Variants in BEST1 observed in about 807,000 individuals in gnomAD.
The protein encoded by BEST1 is bestrophin 1.
BEST1 carries 58 observed loss-of-function variants against 63.3 expected under a neutral mutation model. That is an observed-to-expected ratio of 0.92 (90% CI 0.74 to 1.14). BEST1 has a LOEUF of 1.14. BEST1 is among the 50% of genes most tolerant of loss of function. BEST1 has a pLI of 0.00. For missense variants in BEST1, 671 were observed against 740.1 expected, an observed-to-expected ratio of 0.91 and a Z score of 1.08; for synonymous variants, 283 against 291.6, an observed-to-expected ratio of 0.97 and a Z score of 0.30.
intron 5 of BEST1, 62 bp from the exon 6 acceptor site, chr11:61,957,319 AGGTGGG>A: frequency 7.1e-7 from 1 of 1,411,084 alleles, no homozygotes; most frequent in South Asian, 1.1e-5. Flanking sequence ...CCTGGAGAAG[AGGTGGG>A]GGCGAGCCCA....
chr11:61,954,974 G>C (rs762309775), intron 2 of BEST1, 133 bp from the exon 3 acceptor site: 3 of 1,516,160 alleles, frequency 2.0e-6, no homozygotes, highest in Non-Finnish European at 1.8e-6. Flanking sequence ...CTCAGGAGGG[G>C]CCCTGGGCTG....
At position 61,963,175 on chromosome 11, in the gene BEST1, G is replaced by A. The variant is rs577301621; in HGVS notation, c.1739+282G>A. On this transcript the variant is annotated intron_variant, in intron 10 of 10. Transcript: ENST00000378043. ...GGTTGTGCTGACCAGAATGCTGCTGGAGAACTGCCCCAGGGCTGACAGGCC... is the reference window on the plus strand; with the variant it reads ...GGTTGTGCTGACCAGAATGCTGCTGAAGAACTGCCCCAGGGCTGACAGGCC... 214 of 1,441,904 alleles carry A rather than the reference G, an allele frequency of 1.5e-4. 2 individuals are homozygous for A. In the African/African-American group the frequency reaches 2.8e-3, roughly 19 times the overall value. The allele number at this position is 1,441,904 out of a possible 1,614,324, so 89.3% of individuals were successfully genotyped here. A position where few individuals can be genotyped will look rare whatever the true frequency, so the allele number is the denominator to read the frequency against.
At chr11:61,962,977 A>T in intron 10 of BEST1, 84 bp downstream of exon 10, 1 of 1,610,402 alleles carries the variant, frequency 6.2e-7, no homozygotes, top group Non-Finnish European at 8.5e-7. Flanking sequence ...CCCTTCCTCC[A>T]CAATTTCCTA....
downstream of BEST1, chr11:61,965,511 T>A: frequency 6.2e-7 from 1 of 1,601,034 alleles, no homozygotes; most frequent in South Asian, 1.1e-5. Flanking sequence ...GTCAAAGTAG[T>A]AAGACTGAAA....
At position 61,951,893 on chromosome 11, in the gene BEST1, C is replaced by G. The variant is rs121918285; in HGVS notation, c.87C>G (p.Tyr29Ter). 4.3e-6 allele frequency: 7 copies of G among 1,613,354 alleles called. No homozygotes were observed. The highest frequency in any genetic ancestry group is 5.1e-6 in the Non-Finnish European group (6 of 1,179,876). ...TGCTGTGCTGGCGGGGCAGCATCTACAAGCTGCTATATGGCGAGTTCTTAA... is the reference window on the plus strand; with the variant it reads ...TGCTGTGCTGGCGGGGCAGCATCTAGAAGCTGCTATATGGCGAGTTCTTAA... ...RLLLCWRGSI[Y>*]KLLYGEFLIF... Residue 29 changes from tyrosine to a stop codon, truncating the protein, a stop_gained, in exon 2 of 11, where the codon TAC (tyrosine) becomes TAG (stop). Transcript: ENST00000378043. LOFTEE classifies it high-confidence loss of function.
At chr11:61,952,606 A>T (rs1199551888) in intron 2 of BEST1, among the ~76,000 whole-genome samples, 1 of 148,712 alleles carries the variant, frequency 6.7e-6, no homozygotes, top group South Asian at 2.1e-4. Context: ...AGCTGGAATT[A>T]TAGGCACACA....
At chr11:61,963,367 A>G (rs1393607072) in intron 10 of BEST1, 2 of 1,264,482 alleles carry the variant, frequency 1.6e-6, no homozygotes, top group Non-Finnish European at 2.0e-6. Context: ...GAACTGCCTC[A>G]CTCCTAGGAA....
intron 2 of BEST1, 49 bp from the exon 3 acceptor site, chr11:61,955,058 C>T: frequency 6.2e-7 from 1 of 1,610,418 alleles, no homozygotes; most frequent in South Asian, 1.1e-5. Flanking sequence ...ACAGTCTCAG[C>T]CATCTCCTCG....
chr11:61,951,868 T>C lies in BEST1; in HGVS notation c.62T>C (p.Leu21Pro), dbSNP rs758726044. 1.2e-6 allele frequency: 2 copies of C among 1,614,030 alleles called. No homozygotes were observed. The highest frequency in any genetic ancestry group is 1.3e-5 in the African/African-American group (1 of 75,072). Residue 21 changes from leucine (L) to proline (P), a missense_variant, in exon 2 of 11, where the codon CTG becomes CCG. Coordinates refer to ENST00000378043, the MANE Select transcript of BEST1 (RefSeq NM_004183.4). ...NARLGSFSRL[L>P]LCWRGSIYKL... Reference sequence around the variant, plus strand: ...CGCTTAGGCTCCTTCTCCCGCCTGCTGCTGTGCTGGCGGGGCAGCATCTAC... The same window carrying C: ...CGCTTAGGCTCCTTCTCCCGCCTGCCGCTGTGCTGGCGGGGCAGCATCTAC...
In BEST1 at chr11:61,951,850, G is replaced by C. The variant is rs766379510; in HGVS notation, c.44G>C (p.Gly15Ala). ...AGCCAAGTGGCTAATGCCCGCTTAG[G>C]CTCCTTCTCCCGCCTGCTGCTGTGC... ...YTSQVANARL[G>A]SFSRLLLCWR... Residue 15 changes from glycine to alanine, a missense_variant, in exon 2 of 11, where the codon GGC becomes GCC. Physicochemically the swap from Gly to Ala is moderately conservative, Grantham distance 60. Coordinates refer to ENST00000378043, the MANE Select transcript of BEST1 (RefSeq NM_004183.4). The C allele has an allele frequency of 6.2e-7, 1 of 1,613,720 alleles. No homozygotes were observed. The highest frequency in any genetic ancestry group is 8.5e-7 in the Non-Finnish European group (1 of 1,180,042).
chr11:61,952,377 G>T (rs1008332579), intron 2 of BEST1, among the ~76,000 whole-genome samples: 2 of 151,304 alleles, frequency 1.3e-5, no homozygotes, highest in African/African-American at 4.9e-5. Context: ...GAACTCCTAG[G>T]CTCAAGCAAT....
Position 61,962,500 on chromosome 11 carries a change from C to T in BEST1, c.1346C>T (p.Ala449Val). 6.2e-7 allele frequency: 1 copy of T among 1,614,208 alleles called. No individual in the cohort carries two copies. The highest frequency in any genetic ancestry group is 8.5e-7 in the Non-Finnish European group (1 of 1,180,034). The change falls in exon 10 of 11, where the codon GCT becomes GTT. Residue 449 changes from alanine to valine, a missense_variant. Ala to Val is a moderately conservative substitution (Grantham distance 64). Transcript: ENST00000378043. ...GACAACAAGGCCTGGAAGCTTAAGG[C>T]TGTGGACGCCTTCAAGTCTGCCCCA... ...QEDNKAWKLK[A>V]VDAFKSAPLY...
rs573441413 is a variant in BEST1, at chr11:61,958,420, C to T, written c.867+122C>T. 22 of 1,556,536 alleles carry T rather than the reference C, an allele frequency of 1.4e-5. 1 individual carries two copies. In the South Asian group the frequency reaches 1.8e-4, roughly 13 times the overall value. ...GTCTCACGGGTAGAAAGCAGCCAGGCGTGGTGGCGCACACCTGTAATCCCA... is the reference window on the plus strand; with the variant it reads ...GTCTCACGGGTAGAAAGCAGCCAGGTGTGGTGGCGCACACCTGTAATCCCA... On this transcript the variant is annotated intron_variant, in intron 7 of 10. Coordinates refer to ENST00000378043, the MANE Select transcript of BEST1 (RefSeq NM_004183.4).
intron 10 of BEST1, chr11:61,963,320 T>G (rs1942274732): frequency 7.5e-7 from 1 of 1,339,472 alleles, no homozygotes; most frequent in African/African-American, 1.5e-5. Context: ...CATAACTATT[T>G]AGGGTAGTAC....
downstream of BEST1, chr11:61,965,010 C>T: frequency 6.2e-7 from 1 of 1,613,980 alleles, no homozygotes; most frequent in Non-Finnish European, 8.5e-7. Flanking sequence ...TTGTCAGTGG[C>T]CAGTTTGTGC....
Position 61,962,729 on chromosome 11 carries a change from G to A in BEST1, c.1575G>A (p.Glu525=). 1.2e-6 allele frequency: 2 copies of A among 1,614,222 alleles called. No homozygotes were observed. Among genetic ancestry groups the A allele is most frequent in the Non-Finnish European group, 1.7e-6 (2 of 1,180,044 alleles). Residue 525 remains glutamate (E), a synonymous_variant, in exon 10 of 11, where the codon GAG becomes GAA. Transcript: ENST00000378043. ...CAGAGAGCGATGGGGCCTTGATGGA[G>A]CACCCAGAAGTATCTCAAGTGAGGA... ...LLSESDGALM[E]HPEVSQVRRK... is the part of the protein sequence containing the mutation.
intron 6 of BEST1, among the ~76,000 whole-genome samples, chr11:61,957,794 T>C (rs918473047): frequency 1.3e-5 from 2 of 152,096 alleles, no homozygotes; most frequent in Admixed American, 6.5e-5. Context: ...CTGGCCAACA[T>C]GGTGAAACCC....
rs1109748 is a variant in BEST1, at chr11:61,955,173, C to A, written c.219C>A (p.Ile73=). ...EKLTLYCDSY[I]QLIPISFVLG... ...TGACTCTGTATTGCGACAGCTACAT[C>A]CAGCTCATCCCCATTTCCTTCGTGC... The change falls in exon 3 of 11, where the codon ATC becomes ATA. Residue 73 remains isoleucine (I), a synonymous_variant. Transcript: ENST00000378043. 0.13 allele frequency: 203,764 copies of A among 1,614,080 alleles called. 31,666 individuals are homozygous for A. Among genetic ancestry groups the A allele is most frequent in the East Asian group, 0.74 (33,236 of 44,844 alleles).
chr11:61,950,187 G>C (rs1302474956), upstream of BEST1: 3 of 152,572 alleles, frequency 2.0e-5, no homozygotes, highest in Non-Finnish European at 4.4e-5. Context: ...AGAAATTAGA[G>C]GGGCCATGGC....
Sources: gnomAD v4.1 joint callset for allele counts (sites outside exome capture counted in the v4.1 genomes callset) on GRCh38, gnomAD v4.1.1 for gene constraint, MANE v1.5 for transcripts, NCBI Gene and HGNC (gene_info 2026-07-23, HGNC 2026-07-21) for gene names.